The following ATRNL1 variants were observed in gnomAD, a reference collection of about 807,000 sequenced individuals.
ATRNL1 encodes attractin like 1.
Under a neutral mutation model 182.7 loss-of-function variants are expected in ATRNL1, and 95 were observed. The observed-to-expected ratio is 0.52, with a 90% CI of 0.44 to 0.62. The LOEUF is 0.62. ATRNL1 is among the 20% of genes least tolerant of loss of function. The probability of loss-of-function intolerance (pLI) is 0.00; values close to 1 mark genes in which losing one functional copy is unlikely to be tolerated. For synonymous variants in ATRNL1, 576 were observed against 568.3 expected (o/e 1.01, Z -0.19); for missense variants, 1,471 against 1,679.5 (o/e 0.88, Z 2.17).
intron 5 of ATRNL1, among the ~76,000 whole-genome samples, chr10:115,158,693 A>G (rs1435521752): frequency 6.6e-6 from 1 of 151,982 alleles, no homozygotes; most frequent in African/African-American, 2.4e-5. Flanking sequence ...GTATGGGTCA[A>G]TATTTCTTAA....
chr10:115,435,696 C>T (rs959720588), intron 21 of ATRNL1, among the ~76,000 whole-genome samples: 1 of 152,108 alleles, frequency 6.6e-6, no homozygotes, highest in Non-Finnish European at 1.5e-5. Context: ...TACTCTATCC[C>T]CAGCTAATAT....
chr10:115,247,953 T>C (rs1323947539), intron 10 of ATRNL1, among the ~76,000 whole-genome samples: 1 of 152,148 alleles, frequency 6.6e-6, no homozygotes, highest in African/African-American at 2.4e-5. Context: ...TTCACTCATA[T>C]GTGGAAGCTA....
chr10:115,607,936 C>T (rs1299893639), intron 26 of ATRNL1, among the ~76,000 whole-genome samples: 1 of 151,830 alleles, frequency 6.6e-6, no homozygotes, highest in African/African-American at 2.4e-5. Context: ...TTAGAGATGC[C>T]ATTGTTTATA....
At chr10:115,627,122 G>A (rs951924449) in intron 26 of ATRNL1, among the ~76,000 whole-genome samples, 11 of 152,070 alleles carry the variant, frequency 7.2e-5, no homozygotes, top group Admixed American at 2.6e-4. Flanking sequence ...GGCACCCACC[G>A]CTTCCATCTA....
rs147108823 is a variant in ATRNL1 at position 115,542,601 on chromosome 10, C to A, written c.3717-6857C>A. On this transcript the variant is annotated intron_variant, in intron 25 of 28. Coordinates refer to ENST00000355044, the MANE Select transcript of ATRNL1 (RefSeq NM_207303.4). ...GTTGGTGCGTAGTGTTATGCATAGT[C>A]CAGAGAATCATAAGAAAATGTAGCT... is the stretch of plus-strand genomic sequence containing the variant. Among the ~76,000 whole-genome samples, 952 of 152,186 alleles carry A rather than the reference C, an allele frequency of 6.3e-3. 12 individuals carry two copies. The highest frequency in any genetic ancestry group is 0.01 in the South Asian group (50 of 4,826).
At chr10:115,169,185 A>G (rs1312173399) in intron 7 of ATRNL1, among the ~76,000 whole-genome samples, 3 of 149,356 alleles carry the variant, frequency 2.0e-5, no homozygotes, top group African/African-American at 4.9e-5. Context: ...GATTTATCCC[A>G]GTATCACTCT....
chr10:115,728,428 GAT>G (rs1184536878), intron 27 of ATRNL1, among the ~76,000 whole-genome samples: 1 of 151,512 alleles, frequency 6.6e-6, no homozygotes, highest in Non-Finnish European at 1.5e-5. Flanking sequence ...TATGTGGTAA[GAT>G]ATATTTAAGT....
chr10:115,886,460 G>C (rs371909804), intron 28 of ATRNL1, among the ~76,000 whole-genome samples: 1 of 152,218 alleles, frequency 6.6e-6, no homozygotes, highest in African/African-American at 2.4e-5. Flanking sequence ...GTTGCAGTGA[G>C]CCAAGATCGC....
At chr10:115,592,445 C>G (rs1283101147) in intron 26 of ATRNL1, among the ~76,000 whole-genome samples, 8 of 152,192 alleles carry the variant, frequency 5.3e-5, no homozygotes, top group Non-Finnish European at 1.0e-4. Flanking sequence ...TTCTACAACT[C>G]TACAACTGTC....
intron 26 of ATRNL1, among the ~76,000 whole-genome samples, chr10:115,710,495 T>C (rs529213298): frequency 2.6e-5 from 4 of 152,230 alleles, no homozygotes; most frequent in African/African-American, 7.2e-5. Flanking sequence ...AGAGTAATTA[T>C]AGGAAAGTAG....
At chr10:115,537,663 ATT>A (rs1852113041) in intron 25 of ATRNL1, among the ~76,000 whole-genome samples, 1 of 151,924 alleles carries the variant, frequency 6.6e-6, no homozygotes, top group Admixed American at 6.6e-5. Context: ...GCAGTGGTTA[ATT>A]ACTTGCCTTT....
At chr10:115,498,932 G>C (rs1849682059) in intron 24 of ATRNL1, among the ~76,000 whole-genome samples, 1 of 151,932 alleles carries the variant, frequency 6.6e-6, no homozygotes, top group African/African-American at 2.4e-5. Flanking sequence ...AGTCAATTTA[G>C]TGCATTTCCT....
chr10:115,390,741 G>C (rs554132038), intron 19 of ATRNL1, among the ~76,000 whole-genome samples: 2 of 152,204 alleles, frequency 1.3e-5, no homozygotes, highest in South Asian at 4.1e-4. Flanking sequence ...TATTACTTTT[G>C]GTAGCATGGG....
chr10:115,415,614 T>A (rs1321988477), intron 20 of ATRNL1, among the ~76,000 whole-genome samples: 1 of 151,986 alleles, frequency 6.6e-6, no homozygotes, highest in Non-Finnish European at 1.5e-5. Context: ...TTGTAATTAA[T>A]TATGTAATTA....
intron 8 of ATRNL1, among the ~76,000 whole-genome samples, chr10:115,214,309 A>AATAT (rs3086142): frequency 2.8e-4 from 42 of 148,782 alleles, no homozygotes; most frequent in East Asian, 1.8e-3. Context: ...TTTTAGTTCA[A>AATAT]ATATATATAT....
intron 27 of ATRNL1, among the ~76,000 whole-genome samples, chr10:115,833,329 T>C (rs1216356806): frequency 6.6e-6 from 1 of 152,180 alleles, no homozygotes; most frequent in Non-Finnish European, 1.5e-5. Context: ...GTGATCTGTA[T>C]GTGGTAGAGC....
At chr10:115,755,239 T>C (rs2134130291) in intron 27 of ATRNL1, among the ~76,000 whole-genome samples, 1 of 152,312 alleles carries the variant, frequency 6.6e-6, no homozygotes, top group East Asian at 1.9e-4. Flanking sequence ...GGCATCCTTT[T>C]CTTGTGCTGG....
intron 25 of ATRNL1, among the ~76,000 whole-genome samples, chr10:115,530,844 G>A (rs1851533026): frequency 7.4e-6 from 1 of 134,288 alleles, no homozygotes; most frequent in Non-Finnish European, 1.5e-5. Flanking sequence ...TGTTCTCATT[G>A]TTCAATTCCC....
chr10:115,774,811 C>T (rs1245868551), intron 27 of ATRNL1, among the ~76,000 whole-genome samples: 3 of 151,264 alleles, frequency 2.0e-5, no homozygotes, highest in Non-Finnish European at 4.4e-5. Flanking sequence ...TTAGCTAGCA[C>T]TTATAACACT....
Sources: allele counts gnomAD v4.1 joint callset (sites outside exome capture counted in the v4.1 genomes callset), GRCh38; gene constraint gnomAD v4.1.1; transcripts MANE v1.5; gene names NCBI Gene and HGNC (gene_info 2026-07-23, HGNC 2026-07-21).